ROR1: variants seen among roughly 807,000 people sequenced by gnomAD.
ROR1 encodes ROR family WNT receptor 1.
A neutral mutation model predicts 78.8 loss-of-function variants in ROR1; 19 were observed. That is an observed-to-expected ratio of 0.24 (90% confidence interval 0.17 to 0.35). ROR1 has a LOEUF of 0.35. Among genes scored for constraint, ROR1 ranks in the 10% least tolerant of loss-of-function variants. The pLI is 1.00. For synonymous variants in ROR1, 386 were observed against 433.6 expected, an observed-to-expected ratio of 0.89 and a Z score of 1.36; for missense variants, 917 against 1,177.8, an observed-to-expected ratio of 0.78 and a Z score of 3.24.
chr1:64,121,138 T>C (rs913225461), intron 4 of ROR1, among the ~76,000 whole-genome samples: 18 of 142,762 alleles, frequency 1.3e-4, no homozygotes, highest in African/African-American at 4.8e-4. Context: ...TTCCCTTCCC[T>C]TCCTTCCTGT....
At chr1:64,074,494 A>C (rs1217225844) in intron 4 of ROR1, among the ~76,000 whole-genome samples, 1 of 152,328 alleles carries the variant, frequency 6.6e-6, no homozygotes, top group East Asian at 1.9e-4. Context: ...GGTGAGACCA[A>C]GAGAATGCAG....
At chr1:64,020,188 GT>G (rs1646553620) in intron 2 of ROR1, among the ~76,000 whole-genome samples, 1 of 152,190 alleles carries the variant, frequency 6.6e-6, no homozygotes, top group South Asian at 2.1e-4. Flanking sequence ...AAGCCACTAA[GT>G]TTGTGATAAT....
chr1:64,131,621 C>T (rs779712664), intron 4 of ROR1, among the ~76,000 whole-genome samples: 15 of 151,858 alleles, frequency 9.9e-5, no homozygotes, highest in African/African-American at 2.4e-4. Flanking sequence ...ATTTTGTTAT[C>T]GTTATGTTTT....
intron 1 of ROR1, among the ~76,000 whole-genome samples, chr1:63,802,331 G>C (rs1157581620): frequency 6.6e-6 from 1 of 152,116 alleles, no homozygotes; most frequent in Non-Finnish European, 1.5e-5. Context: ...TCTATAGAGG[G>C]AATGGAGAGC....
chr1:64,176,062 T>G (rs1650370096), intron 8 of ROR1, among the ~76,000 whole-genome samples: 1 of 152,262 alleles, frequency 6.6e-6, no homozygotes, highest in Admixed American at 6.5e-5. Flanking sequence ...AGACTAAATT[T>G]GAGGTACATT....
chr1:64,126,467 C>T (rs1648717999), intron 4 of ROR1, among the ~76,000 whole-genome samples: 1 of 151,910 alleles, frequency 6.6e-6, no homozygotes, highest in Admixed American at 6.6e-5. Context: ...GGTAGAGAGA[C>T]CAGTTAGGAG....
chr1:64,015,961 A>G (rs1646517477), intron 2 of ROR1, among the ~76,000 whole-genome samples: 1 of 152,162 alleles, frequency 6.6e-6, no homozygotes, highest in Non-Finnish European at 1.5e-5. Context: ...AAATCTCATC[A>G]CAGTCTCTAG....
chr1:63,961,035 C>T (rs2100484903), intron 1 of ROR1, among the ~76,000 whole-genome samples: 1 of 152,290 alleles, frequency 6.6e-6, no homozygotes, highest in South Asian at 2.1e-4. Flanking sequence ...CTAGCATTTT[C>T]TTTTCTTTCT....
intron 4 of ROR1, chr1:64,108,395 T>A (rs1647923201): frequency 4.1e-5 from 2 of 48,254 alleles, no homozygotes; most frequent in African/African-American, 8.0e-5. Flanking sequence ...AGACTCCATC[T>A]AAAAAAAAAA....
At chr1:64,150,082 A>G (rs1649579791) in intron 7 of ROR1, among the ~76,000 whole-genome samples, 1 of 152,206 alleles carries the variant, frequency 6.6e-6, no homozygotes, top group Non-Finnish European at 1.5e-5. Flanking sequence ...TATTTAAACC[A>G]TGGGCCTTTG....
intron 1 of ROR1, among the ~76,000 whole-genome samples, chr1:63,991,130 T>G (rs899374967): frequency 1.3e-5 from 2 of 151,862 alleles, no homozygotes; most frequent in Middle Eastern, 3.4e-3. Context: ...TTTTGCTTTT[T>G]TGTAGAGTCA....
At chr1:63,946,773 T>C (rs1190643668) in intron 1 of ROR1, among the ~76,000 whole-genome samples, 1 of 152,156 alleles carries the variant, frequency 6.6e-6, no homozygotes, top group African/African-American at 2.4e-5. Context: ...AGGTCATCCT[T>C]GCTTCCTCAA....
At chr1:63,968,596 G>T (rs187337689) in intron 1 of ROR1, among the ~76,000 whole-genome samples, 6 of 152,110 alleles carry the variant, frequency 3.9e-5, no homozygotes, top group Non-Finnish European at 7.3e-5. Flanking sequence ...TCTTCACTGC[G>T]TGGGAAATAC....
chr1:64,052,712 A>G (rs1646843026), intron 4 of ROR1, among the ~76,000 whole-genome samples: 1 of 152,236 alleles, frequency 6.6e-6, no homozygotes, highest in South Asian at 2.1e-4. Flanking sequence ...AGTCGGTAAT[A>G]GCATGAAATG....
chr1:63,935,185 C>T (rs549371585), intron 1 of ROR1, among the ~76,000 whole-genome samples: 1 of 152,180 alleles, frequency 6.6e-6, no homozygotes, highest in East Asian at 1.9e-4. Flanking sequence ...AAACTAATGT[C>T]CCTGCTCCTG....
At chr1:64,033,789 G>A (rs978753418) in intron 2 of ROR1, among the ~76,000 whole-genome samples, 3 of 152,182 alleles carry the variant, frequency 2.0e-5, no homozygotes, top group South Asian at 4.1e-4. Flanking sequence ...ACTTGCATGT[G>A]CCAAACACTT....
At chr1:63,870,095 T>A (rs1645242226) in intron 1 of ROR1, among the ~76,000 whole-genome samples, 2 of 152,200 alleles carry the variant, frequency 1.3e-5, no homozygotes. Context: ...AAACTTTTAA[T>A]ATATTTGTGT....
chr1:64,004,509 G>A (rs940669260), intron 1 of ROR1, among the ~76,000 whole-genome samples: 1 of 152,230 alleles, frequency 6.6e-6, no homozygotes, highest in Non-Finnish European at 1.5e-5. Flanking sequence ...AAGAAAGGCA[G>A]TGGGGTAGCC....
At chr1:64,153,391 C>T (rs918809531) in intron 7 of ROR1, among the ~76,000 whole-genome samples, 1 of 138,946 alleles carries the variant, frequency 7.2e-6, no homozygotes, top group Admixed American at 7.5e-5. Flanking sequence ...ATGCAGCAAT[C>T]CCATTTCTGA....
Sources: allele counts gnomAD v4.1 joint callset (sites outside exome capture counted in the v4.1 genomes callset), GRCh38; gene constraint gnomAD v4.1.1; transcripts MANE v1.5; gene names NCBI Gene and HGNC (gene_info 2026-07-23, HGNC 2026-07-21).